Variants in PPP2R1B observed in about 807,000 individuals in gnomAD.
The protein encoded by PPP2R1B is serine/threonine-protein phosphatase 2A 65 kDa regulatory subunit A beta isoform.
In PPP2R1B, 58 loss-of-function variants were observed where a neutral mutation model predicts 72.7. That is an observed-to-expected ratio of 0.80 (90% confidence interval 0.65 to 0.99). The LOEUF is 0.99. PPP2R1B is among the 50% of genes least tolerant of loss of function. The pLI, the probability that PPP2R1B is intolerant of heterozygous loss-of-function variation, is 0.00. For missense variants in PPP2R1B, 695 were observed against 733.6 expected (o/e 0.95, Z 0.61); for synonymous variants, 256 against 264.6 (o/e 0.97, Z 0.32).
chr11:111,742,004 C>T (rs963377927), intron 14 of PPP2R1B, 49 bp downstream of exon 14: 1 of 1,439,422 alleles, frequency 6.9e-7, no homozygotes, highest in Non-Finnish European at 9.8e-7. Context: ...AGAGATAAAT[C>T]CCAGTTAACC....
intron 5 of PPP2R1B, among the ~76,000 whole-genome samples, chr11:111,757,624 A>T (rs1945171807): frequency 6.6e-6 from 1 of 152,110 alleles, no homozygotes; most frequent in South Asian, 2.1e-4. Flanking sequence ...TCACAAGGTC[A>T]GGAGTTCGAG....
the PPP2R1B span, among the ~76,000 whole-genome samples, chr11:111,693,023 G>A: frequency 6.6e-6 from 1 of 152,074 alleles, no homozygotes; most frequent in African/African-American, 2.4e-5. Flanking sequence ...TCCAGGTTTT[G>A]TTTTCCCCGT....
intron 5 of PPP2R1B, among the ~76,000 whole-genome samples, chr11:111,755,957 C>T (rs1345365240): frequency 6.6e-6 from 1 of 151,348 alleles, no homozygotes; most frequent in Non-Finnish European, 1.5e-5. Flanking sequence ...GTCTGTAATA[C>T]CAGCACTCTG....
chr11:111,737,605 G>C (rs545830598), downstream of PPP2R1B: 2 of 1,613,488 alleles, frequency 1.2e-6, no homozygotes, highest in African/African-American at 2.7e-5. Flanking sequence ...AACTGTCCCT[G>C]ACCAGGGCAC....
In PPP2R1B at chr11:111,760,856, G is replaced by A; in HGVS notation, c.502C>T (p.Pro168Ser). 2 of 1,614,140 alleles carry A rather than the reference G, an allele frequency of 1.2e-6. No homozygotes were observed. Among genetic ancestry groups the A allele is most frequent in the Non-Finnish European group, 1.7e-6 (2 of 1,180,012 alleles). ...SACGLFSVCY[P>S]RASNAVKAEI... Reference sequence around the variant, plus strand: ...GCTTTAACAGCATTTGATGCCCTGGGATAGCAAACGCTGAACAAACCACAT... The same window carrying A: ...GCTTTAACAGCATTTGATGCCCTGGAATAGCAAACGCTGAACAAACCACAT... The change falls in exon 4 of 15, where the codon CCC becomes TCC. Residue 168 changes from proline (P) to serine (S), a missense_variant. Transcript: ENST00000527614.
chr11:111,726,783 T>C (rs1943981696), downstream of PPP2R1B: 2 of 603,602 alleles, frequency 3.3e-6, no homozygotes, highest in Non-Finnish European at 5.9e-6. Flanking sequence ...TGACTTGCTT[T>C]CCAGTCTGAT....
chr11:111,738,484 G>A lies in PPP2R1B; in HGVS notation c.*3112C>T. 3.0e-6 allele frequency: 3 copies of A among 985,474 alleles called. No individual in the cohort carries two copies. Among genetic ancestry groups the A allele is most frequent in the Non-Finnish European group, 3.6e-6 (3 of 829,962 alleles). 61.0% of individuals were successfully genotyped at this position (985,474 alleles called of 1,614,324 possible). ...GTGCACCAGGTTAACCGCCGGGTCA[G>A]GAAGGACAGGCTTGCTTCCCTGGAA... is the stretch of plus-strand genomic sequence containing the variant. On this transcript the variant is annotated 3_prime_UTR_variant, in exon 15 of 15. Transcript: ENST00000527614.
intron 10 of PPP2R1B, among the ~76,000 whole-genome samples, chr11:111,751,146 A>ACT (rs1944893644): frequency 6.6e-6 from 1 of 151,720 alleles, no homozygotes; most frequent in Non-Finnish European, 1.5e-5. Flanking sequence ...GCCTTTCAAT[A>ACT]CTTCTTTTCT....
At position 111,740,230 on chromosome 11, in the gene PPP2R1B, T is replaced by A; in HGVS notation, c.*1366A>T. ...TTGATTATGTGAAAAATAGTTGTTT[T>A]TTTTTGAGATGGACTCTCGCTCTAT... On this transcript the variant is annotated 3_prime_UTR_variant, in exon 15 of 15. Coordinates refer to ENST00000527614, the MANE Select transcript of PPP2R1B (RefSeq NM_002716.5). The A allele has an allele frequency of 1.0e-6, 1 of 984,722 alleles. No homozygotes were observed. The highest frequency in any genetic ancestry group is 1.2e-6 in the Non-Finnish European group (1 of 829,278). 61.0% of individuals were successfully genotyped at this position (984,722 alleles called of 1,614,324 possible). A position where few individuals can be genotyped will look rare whatever the true frequency, so the allele number is the denominator to read the frequency against.
chr11:111,705,153 A>G, the PPP2R1B span: 2 of 1,549,950 alleles, frequency 1.3e-6, no homozygotes, highest in African/African-American at 1.4e-5. This position sits in a 1 kb window ranked among gnomAD's most constrained non-coding sequence, Gnocchi z 4.3. Context: ...ATGCCCCCTT[A>G]GCTGAGAGTC....
chr11:111,695,527 GACAA>G, the PPP2R1B span, among the ~76,000 whole-genome samples: 1 of 152,092 alleles, frequency 6.6e-6, no homozygotes, highest in African/African-American at 2.4e-5. Flanking sequence ...AGTAAACATT[GACAA>G]ACTGTTTAAA....
the PPP2R1B span, among the ~76,000 whole-genome samples, chr11:111,717,772 A>G: frequency 6.6e-6 from 1 of 152,240 alleles, no homozygotes; most frequent in African/African-American, 2.4e-5. Flanking sequence ...ATAGAAAGGA[A>G]TGAGATCATG....
the PPP2R1B span, among the ~76,000 whole-genome samples, chr11:111,703,973 CATACTT>C: frequency 1.3e-5 from 2 of 152,170 alleles, no homozygotes; most frequent in Admixed American, 1.3e-4. Context: ...GAATAGTTAG[CATACTT>C]ATAGGATATA....
At chr11:111,726,866 G>T, downstream of PPP2R1B, 1 of 1,076,512 alleles carries the variant, frequency 9.3e-7, no homozygotes. Context: ...CCTCTGAAGA[G>T]ACTTTGGTGA....
chr11:111,700,947 C>T, the PPP2R1B span: 1 of 1,614,024 alleles, frequency 6.2e-7, no homozygotes, highest in Non-Finnish European at 8.5e-7. Flanking sequence ...GTGGCAGCCC[C>T]CCTTATGCAG....
Position 111,739,000 on chromosome 11 carries a change from G to C in PPP2R1B, c.*2596C>G. ...TGAAAAACAACATTACATGTCTGAAGCAATCAGACAAATCCACACAGAACT... is the reference window on the plus strand; with the variant it reads ...TGAAAAACAACATTACATGTCTGAACCAATCAGACAAATCCACACAGAACT... On this transcript the variant is annotated 3_prime_UTR_variant, in exon 15 of 15. Coordinates refer to ENST00000527614, the MANE Select transcript of PPP2R1B (RefSeq NM_002716.5). 1.0e-6 allele frequency: 1 copy of C among 984,226 alleles called. No individual in the cohort carries two copies. The highest frequency in any genetic ancestry group is 1.2e-6 in the Non-Finnish European group (1 of 829,738). The allele number at this position is 984,226 out of a possible 1,614,324, so 61.0% of individuals were successfully genotyped here. A position where few individuals can be genotyped will look rare whatever the true frequency, so the allele number is the denominator to read the frequency against.
chr11:111,723,683 G>A, downstream of PPP2R1B: 1 of 1,613,886 alleles, frequency 6.2e-7, no homozygotes, highest in South Asian at 1.1e-5. Context: ...CCCCGTCCTG[G>A]AGCCTTCCTC....
chr11:111,689,978 G>A, the PPP2R1B span, among the ~76,000 whole-genome samples: 19 of 131,224 alleles, frequency 1.4e-4, no homozygotes, highest in East Asian at 3.5e-3. Flanking sequence ...GTGTGTGTGT[G>A]TATGTGTATA....
the PPP2R1B span, among the ~76,000 whole-genome samples, chr11:111,704,271 C>G: frequency 6.6e-6 from 1 of 152,204 alleles, no homozygotes; most frequent in Non-Finnish European, 1.5e-5. Context: ...GCTGAGAGTG[C>G]TCTGCATCCT....
Sources: allele counts gnomAD v4.1 joint callset (sites outside exome capture counted in the v4.1 genomes callset), GRCh38; gene constraint gnomAD v4.1.1; non-coding constraint Gnocchi (gnomAD v3.1); transcripts MANE v1.5; gene names NCBI Gene and HGNC (gene_info 2026-07-23, HGNC 2026-07-21).